CDH13: variants seen among roughly 807,000 people sequenced by gnomAD.
CDH13 encodes the protein cadherin-13.
CDH13 carries 24 observed loss-of-function variants against 63.8 expected under a neutral mutation model. The ratio of observed to expected loss-of-function variants is 0.38; its 90% CI spans 0.27 to 0.53. The LOEUF is 0.53. Among genes scored for constraint, CDH13 ranks in the 20% least tolerant of loss-of-function variants. The probability of loss-of-function intolerance (pLI) is 0.85; values close to 1 mark genes in which losing one functional copy is unlikely to be tolerated. For synonymous variants in CDH13, 503 were observed against 355.3 expected, an observed-to-expected ratio of 1.42 and a Z score of -4.67; for missense variants, 1,049 against 903.1, an observed-to-expected ratio of 1.16 and a Z score of -2.07.
chr16:83,532,806 G>T (rs981254847), intron 7 of CDH13, among the ~76,000 whole-genome samples: 4 of 152,172 alleles, frequency 2.6e-5, no homozygotes, highest in African/African-American at 9.7e-5. Flanking sequence ...GTCCCATTAA[G>T]CCATGTGAAC....
Position 83,486,713 on chromosome 16 carries a change from A to G in CDH13, c.960+58A>G, listed in dbSNP as rs942836252. On this transcript the variant is annotated intron_variant, in intron 7 of 13. Transcript: ENST00000567109. ...GAGAATAGAATGTGGCTTTCATGCAAGGGATGATGTGGGGCTCCAGTCAGT... is the reference window on the plus strand; with the variant it reads ...GAGAATAGAATGTGGCTTTCATGCAGGGGATGATGTGGGGCTCCAGTCAGT... 5 of 1,520,486 alleles carry G rather than the reference A, an allele frequency of 3.3e-6. No homozygotes were observed. In the African/African-American group the frequency reaches 6.8e-5, roughly 21 times the overall value. 94.2% of individuals were successfully genotyped at this position (1,520,486 alleles called of 1,614,324 possible).
intron 7 of CDH13, among the ~76,000 whole-genome samples, chr16:83,516,471 TG>T (rs1300000578): frequency 6.6e-6 from 1 of 152,232 alleles, no homozygotes; most frequent in Non-Finnish European, 1.5e-5. Context: ...TTCAGAGTTC[TG>T]AAATGGAACT....
At chr16:83,713,964 A>G (rs1908485077) in intron 10 of CDH13, among the ~76,000 whole-genome samples, 1 of 152,188 alleles carries the variant, frequency 6.6e-6, no homozygotes, top group African/African-American at 2.4e-5. Flanking sequence ...CACCCCAGAG[A>G]AATGCCTGTC....
At chr16:82,663,548 CCCTAG>C (rs899962099) in intron 1 of CDH13, among the ~76,000 whole-genome samples, 1 of 152,184 alleles carries the variant, frequency 6.6e-6, no homozygotes. Flanking sequence ...AATTCACTGA[CCCTAG>C]CCAGATCCCA....
chr16:83,723,773 A>G (rs1264384592), intron 10 of CDH13, among the ~76,000 whole-genome samples: 1 of 152,184 alleles, frequency 6.6e-6, no homozygotes, highest in African/African-American at 2.4e-5. Context: ...TCTCTTTCAT[A>G]TATGCAGAGT....
At chr16:82,945,932 C>T (rs984048787) in intron 2 of CDH13, among the ~76,000 whole-genome samples, 2 of 152,068 alleles carry the variant, frequency 1.3e-5, no homozygotes, top group African/African-American at 4.8e-5. Flanking sequence ...CTGTCATTTC[C>T]TCTGTGAATT....
intron 4 of CDH13, among the ~76,000 whole-genome samples, chr16:83,196,115 G>C (rs969543503): frequency 1.8e-4 from 27 of 152,160 alleles, no homozygotes; most frequent in African/African-American, 6.0e-4. Context: ...AATTAGCCAG[G>C]CTTGGTGGTG....
intron 8 of CDH13, among the ~76,000 whole-genome samples, chr16:83,619,117 C>T (rs1032587915): frequency 6.6e-6 from 1 of 152,236 alleles, no homozygotes; most frequent in South Asian, 2.1e-4. Flanking sequence ...TATGCTGTCG[C>T]TTTCCAAAGT....
chr16:83,161,534 G>A (rs1284169308), intron 4 of CDH13, among the ~76,000 whole-genome samples: 5 of 152,098 alleles, frequency 3.3e-5, no homozygotes, highest in Admixed American at 6.5e-5. Context: ...TTCAAGCAGT[G>A]CAAATACTAA....
chr16:82,902,960 A>T (rs549913907), intron 2 of CDH13, among the ~76,000 whole-genome samples: 4 of 152,312 alleles, frequency 2.6e-5, no homozygotes, highest in South Asian at 2.1e-4. Flanking sequence ...CTACATCATC[A>T]TCTTTGTCTT....
At position 83,799,822 on chromosome 16, in the gene CDH13, A is replaced by T. The variant is rs1904306404; in HGVS notation, c.*4792A>T. The T allele has an allele frequency of 1.3e-5, 2 of 152,220 alleles. No individual in the cohort carries two copies. Among genetic ancestry groups the T allele is most frequent in the Non-Finnish European group, 2.9e-5 (2 of 68,046 alleles). 9.4% of individuals were successfully genotyped at this position (152,220 alleles called of 1,614,324 possible). A position where few individuals can be genotyped will look rare whatever the true frequency, so the allele number is the denominator to read the frequency against. On this transcript the variant is annotated 3_prime_UTR_variant, in exon 14 of 14. Transcript: ENST00000567109. ...CCTATTGCTAATAGATTAGCCCACT[A>T]TTGAAAAAATTCTGCAGTTGTGACC...
chr16:83,419,914 C>CTTT (rs59585439), intron 6 of CDH13, among the ~76,000 whole-genome samples: 3 of 122,614 alleles, frequency 2.4e-5, no homozygotes, highest in East Asian at 2.1e-4. Context: ...ATCGTCCAAT[C>CTTT]TTTTTTTTTT....
At chr16:82,704,628 G>A (rs1284986683) in intron 1 of CDH13, among the ~76,000 whole-genome samples, 1 of 152,174 alleles carries the variant, frequency 6.6e-6, no homozygotes, top group Non-Finnish European at 1.5e-5. Context: ...GGCACACCTG[G>A]GGTCCTTTTC....
intron 1 of CDH13, among the ~76,000 whole-genome samples, chr16:82,721,079 G>C (rs186297737): frequency 3.9e-4 from 60 of 152,244 alleles, no homozygotes; most frequent in African/African-American, 1.2e-3. Context: ...AAAGTGATTT[G>C]CTCCAAGGGT....
At chr16:83,533,415 C>T (rs2075123113) in intron 7 of CDH13, among the ~76,000 whole-genome samples, 3 of 152,098 alleles carry the variant, frequency 2.0e-5, no homozygotes, top group Non-Finnish European at 4.4e-5. Flanking sequence ...TCTTCACCTC[C>T]TCCTCTGTGG....
chr16:83,215,691 G>A (rs1344310483), intron 4 of CDH13, among the ~76,000 whole-genome samples: 1 of 151,922 alleles, frequency 6.6e-6, no homozygotes, highest in Non-Finnish European at 1.5e-5. Flanking sequence ...ATTAGGAGAG[G>A]GCAGGTTTCC....
intron 2 of CDH13, among the ~76,000 whole-genome samples, chr16:82,990,984 C>G (rs1275421545): frequency 6.6e-6 from 1 of 152,172 alleles, no homozygotes; most frequent in Non-Finnish European, 1.5e-5. Context: ...TGAAACCATA[C>G]TCGTCTCATT....
At chr16:82,886,929 G>A (rs1378758861) in intron 2 of CDH13, among the ~76,000 whole-genome samples, 1 of 152,090 alleles carries the variant, frequency 6.6e-6, no homozygotes, top group Non-Finnish European at 1.5e-5. Flanking sequence ...AATTGTAGTG[G>A]ATAACTACTC....
intron 1 of CDH13, among the ~76,000 whole-genome samples, chr16:82,672,219 A>C (rs979928089): frequency 6.6e-6 from 1 of 152,232 alleles, no homozygotes; most frequent in Non-Finnish European, 1.5e-5. Context: ...TAGAAATAAT[A>C]ACAATAACTA....
Sources: gnomAD v4.1 joint callset for allele counts (sites outside exome capture counted in the v4.1 genomes callset) on GRCh38, gnomAD v4.1.1 for gene constraint, MANE v1.5 for transcripts, NCBI Gene and HGNC (gene_info 2026-07-23, HGNC 2026-07-21) for gene names.